Variants in NCAPG observed in about 807,000 individuals in gnomAD.
NCAPG encodes the protein non-SMC condensin I complex subunit G.
A neutral mutation model predicts 113.1 loss-of-function variants in NCAPG; 69 were observed. The ratio of observed to expected loss-of-function variants is 0.61; its 90% CI spans 0.50 to 0.75. The LOEUF is 0.75. NCAPG is among the 30% of genes least tolerant of loss of function. The probability of loss-of-function intolerance (pLI) is 0.00; values close to 1 mark genes in which losing one functional copy is unlikely to be tolerated. For missense variants in NCAPG, 1,058 were observed against 1,177.0 expected (o/e 0.90, Z 1.48); for synonymous variants, 370 against 415.8 (o/e 0.89, Z 1.34).
In NCAPG at chr4:17,814,780, A is replaced by C. The variant is rs542291143; in HGVS notation, c.545-73A>C. 86 of 1,473,926 alleles carry C rather than the reference A, an allele frequency of 5.8e-5. 1 individual carries two copies. The Admixed American group carries it at 1.5e-3, about 26-fold the overall frequency. 91.3% of individuals were successfully genotyped at this position (1,473,926 alleles called of 1,614,324 possible). On this transcript the variant is annotated intron_variant, in intron 3 of 20. Transcript: ENST00000251496. ...CATTAAAGGCATTTTAAAATATCAA[A>C]ATGTGTGTTATTTTATGACTGTAGT... is the stretch of plus-strand genomic sequence containing the variant.
Position 17,828,623 on chromosome 4 carries a change from A to G in NCAPG, c.1764+235A>G, listed in dbSNP as rs142007531. On this transcript the variant is annotated intron_variant, in intron 12 of 20. Transcript: ENST00000251496. ...TTTACATATTTTAAAAAATGATTTT[A>G]TACTGGAAAGAGATACAGAATATCT... Among the ~76,000 whole-genome samples, 1,018 of 152,282 alleles carry G rather than the reference A, an allele frequency of 6.7e-3. 13 individuals are homozygous for G. Among genetic ancestry groups the G allele is most frequent in the African/African-American group, 0.024 (980 of 41,572 alleles).
At chr4:17,826,144 T>C (rs4698210) in intron 11 of NCAPG, among the ~76,000 whole-genome samples, 25,597 of 152,086 alleles carry the variant, frequency 0.17, 2,910 homozygotes, top group East Asian at 0.46. Context: ...AGTATGTCTT[T>C]CCTTCTGAAA....
intron 4 of NCAPG, 83 bp from the exon 5 acceptor site, chr4:17,815,191 G>A (rs1721152666): frequency 3.0e-6 from 4 of 1,334,480 alleles, no homozygotes; most frequent in South Asian, 1.3e-5. Context: ...GAGATTCTGG[G>A]TAATTTTCTA....
chr4:17,813,266 A>G (rs1721070652), intron 3 of NCAPG, 121 bp downstream of exon 3: 1 of 791,956 alleles, frequency 1.3e-6, no homozygotes, highest in Admixed American at 3.6e-5. Flanking sequence ...TATGATTCCG[A>G]TTAAACAAAA....
In NCAPG at chr4:17,843,739, CT is replaced by C; in HGVS notation, c.*316del. The C allele has an allele frequency of 5.6e-6, 1 of 177,044 alleles. No individual in the cohort carries two copies. The highest frequency in any genetic ancestry group is 1.2e-5 in the Non-Finnish European group (1 of 82,648). 11.0% of individuals were successfully genotyped at this position (177,044 alleles called of 1,614,324 possible). A position where few individuals can be genotyped will look rare whatever the true frequency, so the allele number is the denominator to read the frequency against. On this transcript the variant is annotated 3_prime_UTR_variant, in exon 21 of 21. Coordinates refer to ENST00000251496, the MANE Select transcript of NCAPG (RefSeq NM_022346.5). ...TTTAAAATCATGTCATTATGGAAAA[CT>C]TACAAGTGTAACTAGCTAGTAGCTT...
intron 8 of NCAPG, among the ~76,000 whole-genome samples, 185 bp downstream of exon 8, chr4:17,823,308 C>T (rs908437807): frequency 6.6e-6 from 1 of 152,110 alleles, no homozygotes; most frequent in African/African-American, 2.4e-5. Flanking sequence ...TCAATTTCCT[C>T]AGAATAAATC....
intron 7 of NCAPG, 123 bp downstream of exon 7, chr4:17,818,211 A>G: frequency 2.0e-6 from 2 of 986,162 alleles, no homozygotes; most frequent in Non-Finnish European, 1.5e-6. Context: ...TTGTACATGT[A>G]GGGATAGTTA....
At chr4:17,818,129 C>G (rs1577334580) in intron 7 of NCAPG, 41 bp downstream of exon 7, 1 of 1,552,614 alleles carries the variant, frequency 6.4e-7, no homozygotes, top group African/African-American at 1.4e-5. Context: ...GATTGTGTTG[C>G]TGCATGTGTC....
In NCAPG at chr4:17,825,534, T is replaced by G; in HGVS notation, c.1626T>G (p.Leu542=). ...ACCTTTTGAAAGAGACAGAGCAACT[T>G]GAAATTAAAGAAGTCCACATAGAGA... is the stretch of plus-strand genomic sequence containing the variant. ...RINLLKETEQ[L]EIKEVHIEKN... The change falls in exon 11 of 21, where the codon CTT becomes CTG. Residue 542 remains leucine (L), a synonymous_variant. Coordinates refer to ENST00000251496, the MANE Select transcript of NCAPG (RefSeq NM_022346.5). 1 of 1,594,970 alleles carries G rather than the reference T, an allele frequency of 6.3e-7. No homozygotes were observed. The highest frequency in any genetic ancestry group is 8.5e-7 in the Non-Finnish European group (1 of 1,175,020).
At chr4:17,841,581 C>T (rs1030291758) in intron 19 of NCAPG, 4 of 151,832 alleles carry the variant, frequency 2.6e-5, no homozygotes, top group African/African-American at 7.2e-5. Flanking sequence ...TCACATTGAA[C>T]AGTTTGGTTT....
chr4:17,835,555 T>C (rs559205733), intron 14 of NCAPG, among the ~76,000 whole-genome samples: 1 of 152,296 alleles, frequency 6.6e-6, no homozygotes, highest in South Asian at 2.1e-4. Context: ...GAAAGGCAAC[T>C]ACCACCTTTA....
At chr4:17,820,373 C>T (rs1301546770) in intron 7 of NCAPG, among the ~76,000 whole-genome samples, 28 of 151,874 alleles carry the variant, frequency 1.8e-4, no homozygotes, top group Admixed American at 1.6e-3. Context: ...AGGCTGAGGC[C>T]GGTGGATCAC....
In NCAPG at chr4:17,840,052, AT is replaced by A; in HGVS notation, c.2629-18del. 6.3e-7 allele frequency: 1 copy of A among 1,589,886 alleles called. No individual in the cohort carries two copies. Among genetic ancestry groups the A allele is most frequent in the Non-Finnish European group, 8.5e-7 (1 of 1,171,502 alleles). On this transcript the variant is annotated intron_variant, in intron 17 of 20. Coordinates refer to ENST00000251496, the MANE Select transcript of NCAPG (RefSeq NM_022346.5). Reference sequence around the variant, plus strand: ...GGAATGCGGTGTTTACAAAATGTTAATAATGTTTTCTTTTATAGCAAGTAAA... The same window carrying A: ...GGAATGCGGTGTTTACAAAATGTTAAAATGTTTTCTTTTATAGCAAGTAAA...
At chr4:17,828,641 G>A (rs943565910) in intron 12 of NCAPG, among the ~76,000 whole-genome samples, 1 of 152,016 alleles carries the variant, frequency 6.6e-6, no homozygotes, top group South Asian at 2.1e-4. Context: ...AAGAGATACA[G>A]AATATCTTCA....
chr4:17,833,386 G>T (rs538862754), intron 13 of NCAPG, among the ~76,000 whole-genome samples: 72 of 151,730 alleles, frequency 4.7e-4, no homozygotes, highest in Non-Finnish European at 9.3e-4. Flanking sequence ...TTGAACCCGG[G>T]AGGTGGAGGT....
In NCAPG at chr4:17,839,742, C is replaced by T; in HGVS notation, c.2533C>T (p.Pro845Ser). The T allele has an allele frequency of 1.9e-6, 3 of 1,586,930 alleles. No individual in the cohort carries two copies. The highest frequency in any genetic ancestry group is 2.6e-6 in the Non-Finnish European group (3 of 1,173,014). The stretch of plus-strand genomic sequence containing the variant: ...TGAGATCTTAACAAGTCCGTGCTCG[C>T]CAGAAATTCGAGTCTATACAAAAGC... ...CNEILTSPCS[P>S]EIRVYTKALS... is the part of the protein sequence containing the mutation. The change falls in exon 17 of 21, where the codon CCA becomes TCA. Residue 845 changes from proline to serine, a missense_variant. Pro to Ser is a moderately conservative substitution (Grantham distance 74). Coordinates refer to ENST00000251496, the MANE Select transcript of NCAPG (RefSeq NM_022346.5).
In NCAPG at chr4:17,831,214, A is replaced by G. The variant is rs1721859107; in HGVS notation, c.1884+98A>G. On this transcript the variant is annotated intron_variant, in intron 13 of 20. Transcript: ENST00000251496. ...AATTTATCTATTCTGATTCTTATTG[A>G]TGATGATTATTATGGATAATCTTTG... The G allele has an allele frequency of 4.8e-6, 6 of 1,254,788 alleles. 1 individual carries two copies. In the South Asian group the frequency reaches 9.6e-5, roughly 20 times the overall value. 77.7% of individuals were successfully genotyped at this position (1,254,788 alleles called of 1,614,324 possible). A position where few individuals can be genotyped will look rare whatever the true frequency, so the allele number is the denominator to read the frequency against.
chr4:17,817,723 A>G (rs975997844), intron 6 of NCAPG, among the ~76,000 whole-genome samples: 5 of 152,284 alleles, frequency 3.3e-5, no homozygotes, highest in African/African-American at 1.2e-4. Context: ...ACCATGAGAA[A>G]ATCCAGCAAC....
rs764316255 is a variant in NCAPG at position 17,837,618 on chromosome 4, T to C, written c.2292-9T>C. 6.3e-7 allele frequency: 1 copy of C among 1,597,348 alleles called. No homozygotes were observed. Among genetic ancestry groups the C allele is most frequent in the Non-Finnish European group, 8.5e-7 (1 of 1,173,082 alleles). Reference sequence around the variant, plus strand: ...TCTGCCAACATACTTTGAATTTGTTTCTCAATAGGACTAATCAGGAATGCT... The same window carrying C: ...TCTGCCAACATACTTTGAATTTGTTCCTCAATAGGACTAATCAGGAATGCT... On this transcript the variant is annotated splice_polypyrimidine_tract_variant and intron_variant, in intron 15 of 20. Coordinates refer to ENST00000251496, the MANE Select transcript of NCAPG (RefSeq NM_022346.5).
Sources: allele counts gnomAD v4.1 joint callset (sites outside exome capture counted in the v4.1 genomes callset), GRCh38; gene constraint gnomAD v4.1.1; transcripts MANE v1.5; gene names NCBI Gene and HGNC (gene_info 2026-07-23, HGNC 2026-07-21).